Variants in YLPM1 observed in about 807,000 individuals in gnomAD.
YLPM1 encodes YLP motif containing 1, also known as YLP motif-containing protein 1.
In YLPM1, 99 loss-of-function variants were observed where a neutral mutation model predicts 230.0. That is an observed-to-expected ratio of 0.43 (90% CI 0.37 to 0.51). The LOEUF (loss-of-function observed/expected upper bound fraction) is 0.51. YLPM1 is among the 20% of genes least tolerant of loss of function. YLPM1 has a pLI of 0.00. For synonymous variants in YLPM1, 984 were observed against 942.5 expected (o/e 1.04, Z -0.81); for missense variants, 2,592 against 2,707.7 (o/e 0.96, Z 0.95).
intron 19 of YLPM1, among the ~76,000 whole-genome samples, chr14:74,832,951 C>G (rs1031008917): frequency 6.7e-6 from 1 of 148,168 alleles, no homozygotes; most frequent in Non-Finnish European, 1.5e-5. Context: ...TAACTATGTG[C>G]TGAGGTTGAT....
chr14:74,824,201 AT>A, intron 17 of YLPM1, 54 bp from the exon 18 acceptor site: 1 of 1,551,458 alleles, frequency 6.4e-7, no homozygotes. Context: ...CAAACGTGAT[AT>A]GCATGTATGT....
chr14:74,808,797 T>C (rs2091404171), intron 6 of YLPM1, among the ~76,000 whole-genome samples: 1 of 119,548 alleles, frequency 8.4e-6, no homozygotes, highest in Non-Finnish European at 1.7e-5. Context: ...AGAGTGAAAC[T>C]CCGTCTCAAA....
intron 5 of YLPM1, among the ~76,000 whole-genome samples, chr14:74,800,027 C>T (rs1449797993): frequency 6.6e-6 from 1 of 152,158 alleles, no homozygotes; most frequent in Non-Finnish European, 1.5e-5. Context: ...CATGTGTAAC[C>T]TTCATTTTTT....
At chr14:74,797,235 C>T (rs2091273030) in intron 4 of YLPM1, among the ~76,000 whole-genome samples, 1 of 150,718 alleles carries the variant, frequency 6.6e-6, no homozygotes, top group South Asian at 2.1e-4. Flanking sequence ...AGGTGATCTG[C>T]CCATCTCTGC....
At chr14:74,799,719 C>T in intron 5 of YLPM1, 22 bp downstream of exon 5, 1 of 1,566,760 alleles carries the variant, frequency 6.4e-7, no homozygotes, top group Non-Finnish European at 8.6e-7. Context: ...CCTTCAGATC[C>T]TTTCTTTTAA....
intron 6 of YLPM1, among the ~76,000 whole-genome samples, 178 bp from the exon 7 acceptor site, chr14:74,809,202 C>T (rs1296559039): frequency 6.6e-6 from 1 of 150,848 alleles, no homozygotes; most frequent in Non-Finnish European, 1.5e-5. Flanking sequence ...CCTATGTTTT[C>T]TCCCTTTCTG....
At chr14:74,821,215 T>A (rs2091517764) in intron 17 of YLPM1, 78 bp downstream of exon 17, 2 of 1,457,066 alleles carry the variant, frequency 1.4e-6, no homozygotes, top group African/African-American at 2.9e-5. Context: ...AGATCTGTGG[T>A]TAGACAACTA....
intron 17 of YLPM1, chr14:74,823,955 A>G (rs1236241587): frequency 4.3e-5 from 11 of 254,652 alleles, no homozygotes; most frequent in East Asian, 1.5e-4. Context: ...CATTCTTATC[A>G]TATTTGCTAT....
At chr14:74,787,515 T>C (rs1315678470) in intron 4 of YLPM1, among the ~76,000 whole-genome samples, 2 of 151,310 alleles carry the variant, frequency 1.3e-5, no homozygotes, top group African/African-American at 4.9e-5. Context: ...TGAGCCGAGA[T>C]CGAGTCACTA....
intron 5 of YLPM1, 126 bp downstream of exon 5, chr14:74,799,823 A>C (rs970636106): frequency 4.2e-5 from 58 of 1,377,540 alleles, no homozygotes; most frequent in Non-Finnish European, 4.5e-5. Flanking sequence ...CTTTTAATTT[A>C]TATTTCTGGT....
In YLPM1 at chr14:74,778,576, A is replaced by G; in HGVS notation, c.1003A>G (p.Thr335Ala). Residue 335 changes from threonine to alanine, a missense_variant, in exon 2 of 21, where the codon ACA (threonine) becomes GCA (alanine). Physicochemically the swap from Thr to Ala is moderately conservative, Grantham distance 58 (BLOSUM62 0). Around this residue, in one of 4 missense-constraint regions of YLPM1, gnomAD observed 1,862 missense variants for 1,819.8 expected, o/e 1.02. Transcript: ENST00000325680. ...DTPEPVKEEVTVPATSQVPES... is the reference protein window; with the variant it reads ...DTPEPVKEEVAVPATSQVPES... ...ACCAGAGCCGGTAAAAGAAGAAGTT[A>G]CAGTACCTGCCACCAGTCAAGTTCC... The G allele has an allele frequency of 6.2e-7, 1 of 1,604,382 alleles. No homozygotes were observed.
In YLPM1 at chr14:74,809,563, G is replaced by C. The variant is rs2091414214; in HGVS notation, c.4705G>C (p.Val1569Leu). ...PPVIKPQTSAVEQERWDEDSF... is the reference protein window; with the variant it reads ...PPVIKPQTSALEQERWDEDSF... ...AGTGATAAAGCCACAAACTTCAGCT[G>C]TAGAACAGGAACGATGGGATGAAGA... is the stretch of plus-strand genomic sequence containing the variant. Residue 1569 changes from valine to leucine, a missense_variant, in exon 7 of 21, where the codon GTA (valine) becomes CTA (leucine). Physicochemically the swap from Val to Leu is conservative, Grantham distance 32. Coordinates refer to ENST00000325680, the MANE Select transcript of YLPM1 (RefSeq NM_019589.3). The C allele has an allele frequency of 6.2e-7, 1 of 1,608,022 alleles. No homozygotes were observed. Among genetic ancestry groups the C allele is most frequent in the East Asian group, 2.2e-5 (1 of 44,666 alleles).
chr14:74,813,146 G>T (rs1331957528), intron 11 of YLPM1, among the ~76,000 whole-genome samples: 1 of 152,112 alleles, frequency 6.6e-6, no homozygotes, highest in Non-Finnish European at 1.5e-5. Context: ...CCAAATGTGC[G>T]CATTCTATTA....
At chr14:74,790,327 G>A (rs1312109875) in intron 4 of YLPM1, among the ~76,000 whole-genome samples, 1 of 152,028 alleles carries the variant, frequency 6.6e-6, no homozygotes, top group Non-Finnish European at 1.5e-5. Flanking sequence ...TTAATTTTAG[G>A]ACCTTGGTTA....
At chr14:74,797,169 T>TC (rs1457762798) in intron 4 of YLPM1, among the ~76,000 whole-genome samples, 1 of 149,418 alleles carries the variant, frequency 6.7e-6, no homozygotes, top group Non-Finnish European at 1.5e-5. Flanking sequence ...TTTTTTTTTT[T>TC]TAGTAGAGAT....
intron 4 of YLPM1, among the ~76,000 whole-genome samples, chr14:74,796,612 CTT>C (rs148104071): frequency 0.013 from 1,954 of 152,174 alleles, 20 homozygotes; most frequent in Middle Eastern, 0.031. Context: ...TCTTGTATCT[CTT>C]GGATGTAATG....
Position 74,768,866 on chromosome 14 carries a change from A to G in YLPM1, c.873+4504A>G, listed in dbSNP as rs566503089. Among the ~76,000 whole-genome samples, 3 of 152,106 alleles carry G rather than the reference A, an allele frequency of 2.0e-5. No homozygotes were observed. In the South Asian group the frequency reaches 6.2e-4, roughly 31 times the overall value. On this transcript the variant is annotated intron_variant, in intron 1 of 20. Coordinates refer to ENST00000325680, the MANE Select transcript of YLPM1 (RefSeq NM_019589.3). ...ATAAAATATCACTAGATTATTCCCC[A>G]AGGAACTGGCAAAGGCAAGTTTTTT...
intron 5 of YLPM1, among the ~76,000 whole-genome samples, chr14:74,801,126 A>G (rs1326435601): frequency 6.6e-6 from 1 of 151,840 alleles, no homozygotes; most frequent in African/African-American, 2.4e-5. Flanking sequence ...ATTGCTTTGC[A>G]TGGTAATGCT....
chr14:74,767,514 G>A (rs906908072), intron 1 of YLPM1, among the ~76,000 whole-genome samples: 3 of 152,196 alleles, frequency 2.0e-5, no homozygotes, highest in Admixed American at 6.5e-5. Flanking sequence ...TTGTTGTGGA[G>A]GGGCTTGTCC....
Sources: allele counts gnomAD v4.1 joint callset (sites outside exome capture counted in the v4.1 genomes callset), GRCh38; gene constraint gnomAD v4.1.1; regional missense constraint gnomAD v4.1.1; transcripts MANE v1.5; gene names NCBI Gene and HGNC (gene_info 2026-07-23, HGNC 2026-07-21).